The following SVOPL variants were observed in gnomAD, a reference collection of about 807,000 sequenced individuals.
The protein encoded by SVOPL is putative transporter SVOPL.
A neutral mutation model predicts 61.0 loss-of-function variants in SVOPL; 60 were observed. The observed-to-expected ratio is 0.98, with a 90% CI of 0.80 to 1.22. The LOEUF (loss-of-function observed/expected upper bound fraction) is 1.22. Ranked by LOEUF, SVOPL falls within the 50% of genes most tolerant of loss-of-function variation. The probability of loss-of-function intolerance (pLI) is 0.00; values close to 1 mark genes in which losing one functional copy is unlikely to be tolerated. For missense variants in SVOPL, 662 were observed against 643.9 expected (o/e 1.03, Z -0.30); for synonymous variants, 279 against 250.0 (o/e 1.12, Z -1.09).
intron 13 of SVOPL, among the ~76,000 whole-genome samples, chr7:138,622,910 C>T (rs944299031): frequency 2.6e-5 from 4 of 152,162 alleles, no homozygotes; most frequent in African/African-American, 9.7e-5. Flanking sequence ...AGAATACTTT[C>T]TAGGAAAGAA....
intron 1 of SVOPL, among the ~76,000 whole-genome samples, chr7:138,686,709 C>T (rs1401680308): frequency 1.3e-5 from 2 of 151,408 alleles, no homozygotes; most frequent in African/African-American, 4.8e-5. Context: ...TGCCTGTAAT[C>T]ATGCACCGCC....
intron 3 of SVOPL, among the ~76,000 whole-genome samples, chr7:138,672,429 C>G (rs1353195906): frequency 1.3e-5 from 2 of 152,122 alleles, no homozygotes; most frequent in Non-Finnish European, 2.9e-5. Context: ...GAAGGCCACT[C>G]CCATAGCTAA....
chr7:138,671,729 A>G (rs892710141), intron 4 of SVOPL, among the ~76,000 whole-genome samples: 8 of 152,234 alleles, frequency 5.3e-5, no homozygotes, highest in Non-Finnish European at 1.2e-4. Context: ...TGAAGTCACT[A>G]TGATCCATGT....
chr7:138,611,831 G>A (rs1245509140), intron 14 of SVOPL, among the ~76,000 whole-genome samples: 4 of 60,046 alleles, frequency 6.7e-5, no homozygotes, highest in African/African-American at 1.1e-4. Flanking sequence ...CCAGCCGCCT[G>A]CCTTGGCCTC....
chr7:138,622,090 GTATCTATCTATCTATC>G lies in SVOPL; in HGVS notation c.1264-971_1264-956del, dbSNP rs1206508941. 1.3e-3 allele frequency among the ~76,000 whole-genome samples: 48 copies of G among 35,930 alleles called. 2 individuals carry two copies. The highest frequency in any genetic ancestry group is 4.0e-3 in the African/African-American group (28 of 6,972). 23.6% of individuals were successfully genotyped at this position (35,930 alleles called of 152,430 possible). On this transcript the variant is annotated intron_variant, in intron 13 of 15. Coordinates refer to ENST00000674285, the MANE Select transcript of SVOPL (RefSeq NM_001139456.2). ...TCTATGTATCTATCTATCTATCTAT[GTATCTATCTATCTATC>G]TATCTATCTATCTATGTATCTATCT...
In SVOPL at chr7:138,644,767, T is replaced by G; in HGVS notation, c.739A>C (p.Lys247Gln). ...TCCGGCATGACCGAGCGGTTCATCT[T>G]GGCAACGCGCTCCAGAGTGGCCAGG... ...AALATLERVA[K>Q]MNRSVMPEGK... Residue 247 changes from lysine (K) to glutamine (Q), a missense_variant, in exon 9 of 16, where the codon AAG becomes CAG. Lys to Gln is a moderately conservative substitution (Grantham distance 53). Coordinates refer to ENST00000674285, the MANE Select transcript of SVOPL (RefSeq NM_001139456.2). 2 of 1,614,142 alleles carry G rather than the reference T, an allele frequency of 1.2e-6. No homozygotes were observed. The highest frequency in any genetic ancestry group is 1.7e-6 in the Non-Finnish European group (2 of 1,180,028).
In SVOPL at chr7:138,631,080, C is replaced by T. The variant is rs1311740386; in HGVS notation, c.790-958G>A. 3.3e-5 allele frequency among the ~76,000 whole-genome samples: 5 copies of T among 152,008 alleles called. No homozygotes were observed. In the East Asian group the frequency reaches 7.7e-4, roughly 23 times the overall value. Reference sequence around the variant, plus strand: ...AACAGCTCTTTTCTCAGAAATAGACCTGGGATTACAGGCTGTTTCTAGAGA... The same window carrying T: ...AACAGCTCTTTTCTCAGAAATAGACTTGGGATTACAGGCTGTTTCTAGAGA... On this transcript the variant is annotated intron_variant, in intron 9 of 15. Transcript: ENST00000674285.
At chr7:138,606,889 G>T (rs1472112149) in intron 14 of SVOPL, among the ~76,000 whole-genome samples, 3 of 152,160 alleles carry the variant, frequency 2.0e-5, no homozygotes, top group Non-Finnish European at 4.4e-5. Flanking sequence ...AGGAGGCAGA[G>T]GTTGCAGTGT....
At chr7:138,640,053 C>T (rs1364722915) in intron 9 of SVOPL, among the ~76,000 whole-genome samples, 3 of 151,260 alleles carry the variant, frequency 2.0e-5, no homozygotes, top group South Asian at 4.2e-4. Context: ...ATCTCACACC[C>T]GGACTCAAGA....
chr7:138,689,223 TG>T, intron 1 of SVOPL: 1 of 1,425,584 alleles, frequency 7.0e-7, no homozygotes, highest in Non-Finnish European at 9.8e-7. Context: ...GACACAAGGT[TG>T]GTGGCCCAAA....
chr7:138,665,233 C>A (rs1052842683), intron 4 of SVOPL, among the ~76,000 whole-genome samples: 1 of 147,434 alleles, frequency 6.8e-6, no homozygotes, highest in Admixed American at 6.9e-5. Flanking sequence ...ATGACTCTCA[C>A]AAAACACAAG....
At chr7:138,602,176 C>T (rs191500302) in intron 14 of SVOPL, among the ~76,000 whole-genome samples, 4 of 152,128 alleles carry the variant, frequency 2.6e-5, no homozygotes, top group Admixed American at 6.5e-5. Context: ...CTGTGAATAG[C>T]CTCTGCAGCC....
chr7:138,612,417 AAAAAAATAAAAT>A (rs1799079298), intron 14 of SVOPL, among the ~76,000 whole-genome samples: 6 of 40,142 alleles, frequency 1.5e-4, no homozygotes, highest in South Asian at 1.4e-3. Context: ...AAAAAAAAAA[AAAAAAATAAAAT>A]AAAAAATAAA....
chr7:138,687,697 A>C (rs1802851097), intron 1 of SVOPL, among the ~76,000 whole-genome samples: 1 of 151,656 alleles, frequency 6.6e-6, no homozygotes, highest in Admixed American at 6.6e-5. Context: ...AGAAGGTGAA[A>C]AAAAAAAAAC....
chr7:138,622,270 GTATCTATCTATCTATC>G (rs1224085695), intron 13 of SVOPL, among the ~76,000 whole-genome samples: 7 of 83,798 alleles, frequency 8.4e-5, no homozygotes, highest in South Asian at 4.2e-4. Flanking sequence ...ATCTATCTAT[GTATCTATCTATCTATC>G]TATCTATCTA....
chr7:138,689,296 G>C, intron 1 of SVOPL: 1 of 1,592,094 alleles, frequency 6.3e-7, no homozygotes, highest in Non-Finnish European at 8.5e-7. Flanking sequence ...GAACTTAAGG[G>C]TTTAGATGTA....
At chr7:138,672,657 A>T (rs374295250) in intron 3 of SVOPL, among the ~76,000 whole-genome samples, 1,918 of 79,198 alleles carry the variant, frequency 0.024, 26 homozygotes, top group South Asian at 0.11. Context: ...TTTTGTGTTT[A>T]AAAAAAAAAA....
At chr7:138,691,975 A>G (rs1236288761) in intron 1 of SVOPL, among the ~76,000 whole-genome samples, 1 of 151,720 alleles carries the variant, frequency 6.6e-6, no homozygotes, top group Non-Finnish European at 1.5e-5. Flanking sequence ...GCACCACCAC[A>G]CCCAGCTAGC....
chr7:138,597,552 A>G (rs1203300426), intron 14 of SVOPL, among the ~76,000 whole-genome samples: 1 of 142,864 alleles, frequency 7.0e-6, no homozygotes, highest in East Asian at 2.0e-4. Context: ...TTATTTTGCA[A>G]TTGACCTAGC....
Sources: gnomAD v4.1 joint callset for allele counts (sites outside exome capture counted in the v4.1 genomes callset) on GRCh38, gnomAD v4.1.1 for gene constraint, MANE v1.5 for transcripts, NCBI Gene and HGNC (gene_info 2026-07-23, HGNC 2026-07-21) for gene names.